PRDM10: variants seen among roughly 807,000 people sequenced by gnomAD.
PRDM10 encodes PR domain zinc finger protein 10.
A neutral mutation model predicts 133.1 loss-of-function variants in PRDM10; 65 were observed. That is an observed-to-expected ratio of 0.49 (90% CI 0.40 to 0.60). PRDM10 has a LOEUF of 0.60. PRDM10 is among the 20% of genes least tolerant of loss of function. The pLI is 0.00. For missense variants in PRDM10, 1,137 were observed against 1,507.1 expected (o/e 0.75, Z 4.07); for synonymous variants, 582 against 580.4 (o/e 1.00, Z -0.04).
At chr11:129,916,500 TG>T (rs1950361816) in intron 15 of PRDM10, among the ~76,000 whole-genome samples, 1 of 152,098 alleles carries the variant, frequency 6.6e-6, no homozygotes, top group Non-Finnish European at 1.5e-5. Context: ...TAGTTGGGCG[TG>T]GGGGCTGGCG....
At chr11:129,910,424 G>T in intron 19 of PRDM10, 52 bp downstream of exon 19, 1 of 1,606,944 alleles carries the variant, frequency 6.2e-7, no homozygotes, top group South Asian at 1.1e-5. Flanking sequence ...TATGACACAT[G>T]GCTGGAGATC....
chr11:129,935,779 T>G (rs568268199), intron 8 of PRDM10, among the ~76,000 whole-genome samples: 1 of 152,176 alleles, frequency 6.6e-6, no homozygotes, highest in South Asian at 2.1e-4. Context: ...CTCTTCAAAA[T>G]AGCCAAAAAC....
chr11:129,912,247 C>A (rs1041679118), intron 17 of PRDM10, 22 bp from the exon 18 acceptor site: 1 of 1,500,894 alleles, frequency 6.7e-7, no homozygotes, highest in Non-Finnish European at 9.0e-7. Context: ...AAAAACAGGC[C>A]CAGAAACCAG....
chr11:129,930,519 G>T (rs1250473938), intron 11 of PRDM10, among the ~76,000 whole-genome samples: 1 of 152,110 alleles, frequency 6.6e-6, no homozygotes, highest in Admixed American at 6.5e-5. Context: ...CTATCCGCAG[G>T]TGTGTGAACT....
At position 129,902,238 on chromosome 11, in the gene PRDM10, C is replaced by T; in HGVS notation, c.*75G>A. The T allele has an allele frequency of 1.3e-6, 2 of 1,504,964 alleles. No homozygotes were observed. The highest frequency in any genetic ancestry group is 1.8e-6 in the Non-Finnish European group (2 of 1,107,120). 93.2% of individuals were successfully genotyped at this position (1,504,964 alleles called of 1,614,324 possible). On this transcript the variant is annotated 3_prime_UTR_variant, in exon 21 of 21. Transcript: ENST00000360871. The stretch of plus-strand genomic sequence containing the variant: ...GTGAATAATAAATCTTACAAAAGAG[C>T]TCTACGTGTCAGAGCTTTCAGACTT...
intron 8 of PRDM10, among the ~76,000 whole-genome samples, chr11:129,936,988 T>C (rs780144543): frequency 6.6e-6 from 1 of 152,184 alleles, no homozygotes; most frequent in Non-Finnish European, 1.5e-5. Context: ...ACAAATACCA[T>C]GTTGAGCAAA....
intron 17 of PRDM10, chr11:129,914,477 A>G (rs1484096843): frequency 3.2e-6 from 2 of 632,692 alleles, no homozygotes; most frequent in Non-Finnish European, 2.8e-6. Flanking sequence ...GGAGGCTTGT[A>G]TATGCTGGAA....
chr11:129,916,858 C>T (rs774239489), intron 15 of PRDM10, among the ~76,000 whole-genome samples: 2 of 152,088 alleles, frequency 1.3e-5, no homozygotes, highest in Non-Finnish European at 2.9e-5. Flanking sequence ...ATACACTAAG[C>T]ACTAGTAATA....
chr11:129,908,592 G>T (rs1950085341), intron 19 of PRDM10, among the ~76,000 whole-genome samples: 1 of 152,168 alleles, frequency 6.6e-6, no homozygotes, highest in South Asian at 2.1e-4. Context: ...ACAAGGTTGG[G>T]TGTAAGTTGG....
At chr11:129,926,854 A>T (rs1950693913) in intron 11 of PRDM10, among the ~76,000 whole-genome samples, 1 of 152,246 alleles carries the variant, frequency 6.6e-6, no homozygotes, top group African/African-American at 2.4e-5. Flanking sequence ...ATTTCATATG[A>T]AACTCAAAAA....
chr11:129,985,237 G>A (rs911828919), intron 1 of PRDM10, among the ~76,000 whole-genome samples: 1 of 152,042 alleles, frequency 6.6e-6, no homozygotes, highest in African/African-American at 2.4e-5. Flanking sequence ...TAAAAATAAT[G>A]GTATTTAACT....
At chr11:129,962,490 C>G (rs1440093530) in intron 1 of PRDM10, among the ~76,000 whole-genome samples, 2 of 152,224 alleles carry the variant, frequency 1.3e-5, no homozygotes, top group Admixed American at 1.3e-4. Flanking sequence ...ACCCTGCATG[C>G]GCCCTACTCT....
rs751292571 is a variant in PRDM10 at position 129,947,331 on chromosome 11, C to T, written c.334G>A (p.Glu112Lys). The T allele has an allele frequency of 3.1e-6, 5 of 1,614,046 alleles. No individual in the cohort carries two copies. The highest frequency in any genetic ancestry group is 1.7e-5 in the Admixed American group (1 of 59,994). The stretch of plus-strand genomic sequence containing the variant: ...AAAGGGTCGGACCCATCTACACTCT[C>T]GATGGAAGGCAGCACCTGGTTATGA... ...PVHNQVLPSI[E>K]SVDGSDPLAT... Residue 112 changes from glutamate (E) to lysine (K), a missense_variant, in exon 5 of 21, where the codon GAG (glutamate) becomes AAG (lysine). Physicochemically the swap from Glu to Lys is moderately conservative, Grantham distance 56. This residue lies in a region of PRDM10 where 635 missense variants were observed against 835.2 expected (regional missense o/e 0.76). Transcript: ENST00000360871. The surrounding 1 kb of genome is among the most constrained non-coding windows in gnomAD (Gnocchi z 4.6).
In PRDM10 at chr11:129,910,670, G is replaced by C. The variant is rs373308063; in HGVS notation, c.2983-14C>G. 6.5e-6 allele frequency: 10 copies of C among 1,534,574 alleles called. No individual in the cohort carries two copies. The highest frequency in any genetic ancestry group is 3.5e-4 in the Middle Eastern group (2 of 5,718). ...CTGCCCAGATACCTGGGGAGAAAGA[G>C]AAAGCAATGGTAGGGAATTACGAGC... On this transcript the variant is annotated splice_polypyrimidine_tract_variant and intron_variant, in intron 18 of 20. Coordinates refer to ENST00000360871, the MANE Select transcript of PRDM10 (RefSeq NM_199437.2).
chr11:129,980,578 C>T (rs992115391), intron 1 of PRDM10, among the ~76,000 whole-genome samples: 6 of 152,076 alleles, frequency 3.9e-5, no homozygotes, highest in East Asian at 3.9e-4. Flanking sequence ...GGTTGGGGAC[C>T]GTGGCATTAG....
At chr11:129,912,353 C>T in intron 17 of PRDM10, 128 bp from the exon 18 acceptor site, 1 of 1,086,042 alleles carries the variant, frequency 9.2e-7, no homozygotes, top group Non-Finnish European at 1.2e-6. Flanking sequence ...GCCTATAAAC[C>T]CAGCAGTTTG....
chr11:130,001,552 G>GCCA (rs993046191), intron 1 of PRDM10, among the ~76,000 whole-genome samples: 1 of 152,144 alleles, frequency 6.6e-6, no homozygotes, highest in African/African-American at 2.4e-5. Flanking sequence ...ACAGCACAAA[G>GCCA]CCACCTCTCC....
At chr11:129,908,909 T>TA (rs1950096314) in intron 19 of PRDM10, among the ~76,000 whole-genome samples, 1 of 151,928 alleles carries the variant, frequency 6.6e-6, no homozygotes, top group South Asian at 2.1e-4. Flanking sequence ...TTTGTGTTTT[T>TA]AATAGAGATG....
intron 4 of PRDM10, 65 bp downstream of exon 4, chr11:129,955,447 G>T: frequency 1.3e-6 from 2 of 1,482,176 alleles, no homozygotes; most frequent in Non-Finnish European, 9.4e-7. Context: ...GCAAAGGGAT[G>T]GGGCATTCCA....
Sources: gnomAD v4.1 joint callset for allele counts (sites outside exome capture counted in the v4.1 genomes callset) on GRCh38, gnomAD v4.1.1 for gene constraint, gnomAD v4.1.1 regional missense constraint, Gnocchi (gnomAD v3.1) non-coding constraint, MANE v1.5 for transcripts, NCBI Gene and HGNC (gene_info 2026-07-23, HGNC 2026-07-21) for gene names.